RORB: variants seen among roughly 807,000 people sequenced by gnomAD.
The protein encoded by RORB is nuclear receptor ROR-beta.
A neutral mutation model predicts 59.1 loss-of-function variants in RORB; 6 were observed. The ratio of observed to expected loss-of-function variants is 0.10; its 90% CI spans 0.06 to 0.20. The LOEUF (loss-of-function observed/expected upper bound fraction) is 0.20, where lower values mean the gene tolerates loss of function less well. Ranked by LOEUF, RORB falls within the 10% of genes least tolerant of loss-of-function variation. The pLI is 1.00. For synonymous variants in RORB, 215 were observed against 204.5 expected (o/e 1.05, Z -0.44); for missense variants, 320 against 560.5 (o/e 0.57, Z 4.33).
intron 1 of RORB, among the ~76,000 whole-genome samples, chr9:74,605,725 G>T (rs1823138443): frequency 6.6e-6 from 1 of 152,148 alleles, no homozygotes; most frequent in African/African-American, 2.4e-5. Context: ...ACTCACCTTT[G>T]TAAACAAGTC....
Position 74,563,937 on chromosome 9 carries a change from G to A in RORB, c.7+65954G>A, listed in dbSNP as rs559274733. 2.0e-5 allele frequency among the ~76,000 whole-genome samples: 3 copies of A among 152,330 alleles called. No individual in the cohort carries two copies. The East Asian group carries it at 5.8e-4, about 29-fold the overall frequency. Reference sequence around the variant, plus strand: ...AAGACCAGTGATGTGCTTCATAAGTGCCAGCCTTCTGAGGCCCAAAACAAG... The same window carrying A: ...AAGACCAGTGATGTGCTTCATAAGTACCAGCCTTCTGAGGCCCAAAACAAG... On this transcript the variant is annotated intron_variant, in intron 1 of 9. Coordinates refer to ENST00000376896, the MANE Select transcript of RORB (RefSeq NM_006914.4).
At chr9:74,575,503 G>C (rs143546560) in intron 1 of RORB, among the ~76,000 whole-genome samples, 1 of 152,090 alleles carries the variant, frequency 6.6e-6, no homozygotes, top group Non-Finnish European at 1.5e-5. Context: ...GTATTCACCT[G>C]CCTGACAGGA....
intron 1 of RORB, among the ~76,000 whole-genome samples, chr9:74,612,084 A>G (rs1171928952): frequency 6.6e-6 from 1 of 152,176 alleles, no homozygotes; most frequent in African/African-American, 2.4e-5. Flanking sequence ...ACCAGGACCA[A>G]ATGAGTGGTG....
At chr9:74,645,537 T>G (rs1010341504) in intron 4 of RORB, among the ~76,000 whole-genome samples, 2 of 152,144 alleles carry the variant, frequency 1.3e-5, no homozygotes, top group African/African-American at 4.8e-5. Context: ...ATTAAGTGAG[T>G]TAATATTTAT....
intron 1 of RORB, among the ~76,000 whole-genome samples, chr9:74,596,916 C>G (rs538050886): frequency 6.6e-6 from 1 of 152,300 alleles, no homozygotes; most frequent in South Asian, 2.1e-4. Context: ...AGATATAAAA[C>G]ATTTCCACTA....
chr9:74,658,056 G>C (rs1321795390), intron 4 of RORB, among the ~76,000 whole-genome samples: 1 of 143,988 alleles, frequency 6.9e-6, no homozygotes. Context: ...CAAAATCTTT[G>C]TTTTTTTAAT....
At chr9:74,547,116 T>G (rs1826510013) in intron 1 of RORB, among the ~76,000 whole-genome samples, 1 of 152,038 alleles carries the variant, frequency 6.6e-6, no homozygotes, top group Non-Finnish European at 1.5e-5. Flanking sequence ...TGTTGGATTG[T>G]TTTGGTTTTT....
rs917589376 is a variant in RORB, at chr9:74,634,617, C to T, written c.94-14C>T. 11 of 1,594,820 alleles carry T rather than the reference C, an allele frequency of 6.9e-6. No individual in the cohort carries two copies. The African/African-American group carries it at 1.2e-4, about 18-fold the overall frequency. ...TATAAATCTGTTTCCCTCCCCTTCT[C>T]TTTTTCCCTCAAGGGATTCTTTAGG... On this transcript the variant is annotated splice_polypyrimidine_tract_variant and intron_variant, in intron 2 of 9. Coordinates refer to ENST00000376896, the MANE Select transcript of RORB (RefSeq NM_006914.4).
At chr9:74,517,161 A>G (rs780881674) in intron 1 of RORB, among the ~76,000 whole-genome samples, 1 of 152,076 alleles carries the variant, frequency 6.6e-6, no homozygotes, top group African/African-American at 2.4e-5. Flanking sequence ...TCTACTTTCA[A>G]ATACACACCT....
At position 74,690,003 on chromosome 9, in the gene RORB, A is replaced by C. The variant is rs1428408777; in HGVS notation, c.*4385A>C. On this transcript the variant is annotated 3_prime_UTR_variant, in exon 10 of 10. Coordinates refer to ENST00000376896, the MANE Select transcript of RORB (RefSeq NM_006914.4). Reference sequence around the variant, plus strand: ...TTCCAAGGAAGCTGCTACAATTTGCAGTCAATTCAGGCCATGGACGTCTGT... The same window carrying C: ...TTCCAAGGAAGCTGCTACAATTTGCCGTCAATTCAGGCCATGGACGTCTGT... 1 of 152,116 alleles carries C rather than the reference A, an allele frequency of 6.6e-6. No individual in the cohort carries two copies. The highest frequency in any genetic ancestry group is 1.9e-4 in the East Asian group (1 of 5,188). The allele number at this position is 152,116 out of a possible 1,614,324, so 9.4% of individuals were successfully genotyped here.
intron 1 of RORB, among the ~76,000 whole-genome samples, chr9:74,536,559 C>T (rs977698573): frequency 6.6e-6 from 1 of 151,984 alleles, no homozygotes; most frequent in African/African-American, 2.4e-5. Flanking sequence ...CTGTAAACCT[C>T]CCTGCTCTCA....
chr9:74,661,897 A>G (rs892493513), intron 5 of RORB, among the ~76,000 whole-genome samples: 34 of 152,052 alleles, frequency 2.2e-4, no homozygotes, highest in Admixed American at 1.6e-3. Flanking sequence ...CGCCTGCCTC[A>G]GCCTCCCAAA....
At chr9:74,639,525 AC>A (rs1325385656) in intron 3 of RORB, among the ~76,000 whole-genome samples, 1 of 152,060 alleles carries the variant, frequency 6.6e-6, no homozygotes, top group Non-Finnish European at 1.5e-5. Context: ...AAAAAAAAAA[AC>A]ACAAATTTAT....
chr9:74,543,993 C>G (rs1374010039), intron 1 of RORB, among the ~76,000 whole-genome samples: 2 of 152,084 alleles, frequency 1.3e-5, no homozygotes, highest in African/African-American at 2.4e-5. Context: ...GTTTCCAATC[C>G]CTTGACCTAG....
intron 1 of RORB, among the ~76,000 whole-genome samples, chr9:74,626,082 A>C (rs1440090406): frequency 1.3e-5 from 2 of 152,212 alleles, no homozygotes; most frequent in African/African-American, 4.8e-5. Context: ...TTTGACATGC[A>C]GGAAGAAGTG....
intron 6 of RORB, among the ~76,000 whole-genome samples, chr9:74,664,483 C>T (rs922183947): frequency 6.6e-6 from 1 of 152,142 alleles, no homozygotes; most frequent in Admixed American, 6.5e-5. Context: ...ATAAACTCAC[C>T]TGAAATAGTT....
At chr9:74,511,065 C>T (rs975694277) in intron 1 of RORB, among the ~76,000 whole-genome samples, 5 of 152,150 alleles carry the variant, frequency 3.3e-5, no homozygotes, top group African/African-American at 1.2e-4. Context: ...TGCCTAAAAA[C>T]GTATTGCAGC....
Position 74,580,570 on chromosome 9 carries a change from G to A in RORB, c.8-49712G>A, listed in dbSNP as rs541756656. Among the ~76,000 whole-genome samples, 25 of 152,232 alleles carry A rather than the reference G, an allele frequency of 1.6e-4. No homozygotes were observed. The East Asian group carries it at 4.8e-3, about 29-fold the overall frequency. ...AGACTACCACTTCTCATTTGTCACT[G>A]CAGTGCCCCAAAAATAATTCTATAA... On this transcript the variant is annotated intron_variant, in intron 1 of 9. Coordinates refer to ENST00000376896, the MANE Select transcript of RORB (RefSeq NM_006914.4).
intron 1 of RORB, among the ~76,000 whole-genome samples, chr9:74,601,810 G>T (rs1174861184): frequency 6.6e-6 from 1 of 152,124 alleles, no homozygotes; most frequent in African/African-American, 2.4e-5. Flanking sequence ...TGTATTTTAG[G>T]GGGTGAATGG....
Sources: allele counts gnomAD v4.1 joint callset (sites outside exome capture counted in the v4.1 genomes callset), GRCh38; gene constraint gnomAD v4.1.1; transcripts MANE v1.5; gene names NCBI Gene and HGNC (gene_info 2026-07-23, HGNC 2026-07-21).